Variants in C12orf42 observed in about 807,000 individuals in gnomAD.
C12orf42 encodes the protein chromosome 12 open reading frame 42.
A neutral mutation model predicts 21.6 loss-of-function variants in C12orf42; 25 were observed. The ratio of observed to expected loss-of-function variants is 1.16; its 90% CI spans 0.84 to 1.62. The LOEUF is 1.62. C12orf42 is among the 40% of genes most tolerant of loss of function. The pLI, the probability that C12orf42 is intolerant of heterozygous loss-of-function variation, is 0.00. For missense variants in C12orf42, 483 were observed against 459.3 expected, an observed-to-expected ratio of 1.05 and a Z score of -0.47; for synonymous variants, 174 against 175.0, an observed-to-expected ratio of 0.99 and a Z score of 0.05.
the C12orf42 span, among the ~76,000 whole-genome samples, chr12:103,535,427 T>TC: frequency 6.6e-6 from 1 of 152,054 alleles, no homozygotes; most frequent in African/African-American, 2.4e-5. Context: ...CTTTTTTTTT[T>TC]TAAATCGAAC....
At chr12:103,091,211 G>T in the C12orf42 span, among the ~76,000 whole-genome samples, 4 of 152,110 alleles carry the variant, frequency 2.6e-5, no homozygotes, top group Non-Finnish European at 5.9e-5. Context: ...CCCATTGAAT[G>T]ATCAGCCCCC....
At chr12:103,214,702 G>A in the C12orf42 span, among the ~76,000 whole-genome samples, 1 of 152,206 alleles carries the variant, frequency 6.6e-6, no homozygotes, top group Non-Finnish European at 1.5e-5. Flanking sequence ...GGAAATAACG[G>A]TCATAGTTAA....
chr12:103,285,465 C>T (rs1185820745), intron 4 of C12orf42, among the ~76,000 whole-genome samples: 1 of 152,204 alleles, frequency 6.6e-6, no homozygotes, highest in Non-Finnish European at 1.5e-5. Context: ...TTCCAAAGCT[C>T]ACATTCTTTC....
chr12:103,401,744 G>C (rs183640485), intron 2 of C12orf42, 69 bp from the exon 3 acceptor site: 1 of 1,465,490 alleles, frequency 6.8e-7, no homozygotes, highest in South Asian at 1.2e-5. Context: ...TTCCATTCCT[G>C]AGATGGTTTT....
At chr12:103,066,129 G>T in the C12orf42 span, among the ~76,000 whole-genome samples, 1 of 152,140 alleles carries the variant, frequency 6.6e-6, no homozygotes, top group Non-Finnish European at 1.5e-5. Context: ...CTTTCCTTTT[G>T]AGAGACAGCT....
At chr12:103,093,453 C>A in the C12orf42 span, among the ~76,000 whole-genome samples, 2 of 152,142 alleles carry the variant, frequency 1.3e-5, no homozygotes, top group African/African-American at 4.8e-5. Context: ...AGCCAAGACT[C>A]CAAGAGAACT....
At chr12:103,222,453 T>A in the C12orf42 span, among the ~76,000 whole-genome samples, 10 of 152,124 alleles carry the variant, frequency 6.6e-5, 1 homozygote, top group South Asian at 2.1e-3. Flanking sequence ...TCAGTTAAGG[T>A]GGGGCAGGGC....
chr12:103,216,018 T>C, the C12orf42 span, among the ~76,000 whole-genome samples: 7 of 152,214 alleles, frequency 4.6e-5, no homozygotes, highest in African/African-American at 1.4e-4. Flanking sequence ...GCAAAAATGA[T>C]GTTGACCTAA....
the C12orf42 span, among the ~76,000 whole-genome samples, chr12:103,552,994 A>G: frequency 6.6e-6 from 1 of 152,144 alleles, no homozygotes; most frequent in South Asian, 2.1e-4. Context: ...AACCAGCCCC[A>G]TGTTCCAGTC....
chr12:103,110,206 T>C, the C12orf42 span, among the ~76,000 whole-genome samples: 1 of 152,172 alleles, frequency 6.6e-6, no homozygotes, highest in South Asian at 2.1e-4. Context: ...TGAAATAATA[T>C]AGGATAAAAA....
chr12:103,340,500 CATA>C (rs1253642844), intron 4 of C12orf42, among the ~76,000 whole-genome samples: 3 of 152,204 alleles, frequency 2.0e-5, no homozygotes, highest in Non-Finnish European at 4.4e-5. Flanking sequence ...CCAAAAGAAT[CATA>C]ATGTTACTGA....
chr12:103,474,295 G>A (rs948803451), intron 2 of C12orf42, among the ~76,000 whole-genome samples: 11 of 152,124 alleles, frequency 7.2e-5, no homozygotes, highest in African/African-American at 2.7e-4. Flanking sequence ...TGACAAAGTA[G>A]AATTAAAATT....
chr12:103,321,925 T>A (rs2040172664), intron 4 of C12orf42, among the ~76,000 whole-genome samples: 1 of 151,572 alleles, frequency 6.6e-6, no homozygotes, highest in African/African-American at 2.4e-5. Context: ...AGATGAGGAG[T>A]TAGTGGGTGC....
At chr12:103,411,764 T>C (rs1423791134) in intron 2 of C12orf42, among the ~76,000 whole-genome samples, 1 of 152,216 alleles carries the variant, frequency 6.6e-6, no homozygotes, top group Non-Finnish European at 1.5e-5. Flanking sequence ...GCAATAAATG[T>C]CTGTTGTTTA....
the C12orf42 span, among the ~76,000 whole-genome samples, chr12:103,519,809 A>C: frequency 6.6e-6 from 1 of 152,196 alleles, no homozygotes; most frequent in Non-Finnish European, 1.5e-5. Context: ...GACTGGAGTC[A>C]GGAAATTCCA....
chr12:103,146,479 CAA>C, the C12orf42 span, among the ~76,000 whole-genome samples: 16 of 22,852 alleles, frequency 7.0e-4, no homozygotes, highest in South Asian at 1.2e-3. Flanking sequence ...GACCCTGTCT[CAA>C]AAAAAAAAAA....
downstream of C12orf42, among the ~76,000 whole-genome samples, chr12:103,264,225 A>T (rs1338453413): frequency 6.6e-6 from 1 of 152,040 alleles, no homozygotes; most frequent in Non-Finnish European, 1.5e-5. Context: ...AGCCTCCTCC[A>T]CTTAGAAGAT....
the C12orf42 span, among the ~76,000 whole-genome samples, chr12:103,554,230 C>T: frequency 6.6e-6 from 1 of 152,060 alleles, no homozygotes; most frequent in Non-Finnish European, 1.5e-5. Flanking sequence ...CTATGCTTTT[C>T]CTACCCCAGA....
the C12orf42 span, among the ~76,000 whole-genome samples, chr12:103,110,201 T>C: frequency 6.6e-6 from 1 of 152,208 alleles, no homozygotes. Flanking sequence ...CATGCTGAAA[T>C]AATATAGGAT....
Sources: allele counts gnomAD v4.1 joint callset (sites outside exome capture counted in the v4.1 genomes callset), GRCh38; gene constraint gnomAD v4.1.1; transcripts MANE v1.5; gene names NCBI Gene and HGNC (gene_info 2026-07-23, HGNC 2026-07-21).